The following PKHD1 variants were observed in gnomAD, a reference collection of about 807,000 sequenced individuals.
The protein encoded by PKHD1 is PKHD1 ciliary IPT domain containing fibrocystin/polyductin.
A neutral mutation model predicts 412.0 loss-of-function variants in PKHD1; 291 were observed. The ratio of observed to expected loss-of-function variants is 0.71; its 90% CI spans 0.64 to 0.78. The LOEUF (loss-of-function observed/expected upper bound fraction) is 0.78. Ranked by LOEUF, PKHD1 falls within the 30% of genes least tolerant of loss-of-function variation. PKHD1 has a pLI of 0.00. For missense variants in PKHD1, 4,825 were observed against 4,950.7 expected (o/e 0.97, Z 0.76); for synonymous variants, 1,777 against 1,821.5 (o/e 0.98, Z 0.62).
intron 53 of PKHD1, among the ~76,000 whole-genome samples, chr6:51,776,558 G>A (rs1791059840): frequency 6.6e-6 from 1 of 151,866 alleles, no homozygotes; most frequent in South Asian, 2.1e-4. Context: ...CTCTTTATAT[G>A]CATTTTAGCA....
chr6:51,666,482 T>C (rs553348844), intron 60 of PKHD1, among the ~76,000 whole-genome samples: 6 of 152,302 alleles, frequency 3.9e-5, no homozygotes, highest in African/African-American at 1.4e-4. Context: ...ATTTCATTGG[T>C]AGTTTAGAAG....
At chr6:51,721,861 A>G (rs1781964457) in intron 60 of PKHD1, 2 of 1,553,216 alleles carry the variant, frequency 1.3e-6, no homozygotes, top group South Asian at 1.2e-5. Context: ...TTTCTTCTCA[A>G]TTTGAACAAT....
At chr6:51,807,581 C>T (rs1221613926) in intron 52 of PKHD1, among the ~76,000 whole-genome samples, 1 of 149,048 alleles carries the variant, frequency 6.7e-6, no homozygotes, top group Non-Finnish European at 1.5e-5. Flanking sequence ...TACCTTAACA[C>T]CATCTGAACA....
At chr6:51,938,487 C>A (rs907860762) in intron 36 of PKHD1, among the ~76,000 whole-genome samples, 1 of 123,612 alleles carries the variant, frequency 8.1e-6, no homozygotes, top group African/African-American at 3.3e-5. Flanking sequence ...CCACTGAGCA[C>A]GCTGTGACCC....
chr6:51,635,545 T>A (rs1234707094), intron 64 of PKHD1, among the ~76,000 whole-genome samples: 2 of 152,152 alleles, frequency 1.3e-5, no homozygotes, highest in Non-Finnish European at 2.9e-5. Flanking sequence ...CCTTTGGAAC[T>A]TTGGTCTCAA....
chr6:51,892,480 G>C (rs957458306), intron 43 of PKHD1, among the ~76,000 whole-genome samples: 8 of 152,326 alleles, frequency 5.3e-5, no homozygotes, highest in South Asian at 4.2e-4. Context: ...TCAGTGCATA[G>C]ATACCAGGGA....
Position 51,659,736 on chromosome 6 carries a change from G to T in PKHD1, c.10390C>A (p.Pro3464Thr). The change falls in exon 61 of 67, where the codon CCC becomes ACC. Residue 3464 changes from proline (P) to threonine (T), a missense_variant. By Grantham distance (38) the Pro-to-Thr change is conservative (BLOSUM62 -1). Transcript: ENST00000371117. ...GSVSTFYSILPIRQITKVCFM... is the reference protein window; with the variant it reads ...GSVSTFYSILTIRQITKVCFM... ...CAGACTTTGGTGATTTGCCTGATGGGTAAGATAGAATAGAAAGTAGACACT... is the reference window on the plus strand; with the variant it reads ...CAGACTTTGGTGATTTGCCTGATGGTTAAGATAGAATAGAAAGTAGACACT... 6.2e-7 allele frequency: 1 copy of T among 1,613,794 alleles called. No individual in the cohort carries two copies. The highest frequency in any genetic ancestry group is 1.1e-5 in the South Asian group (1 of 91,082).
intron 55 of PKHD1, among the ~76,000 whole-genome samples, chr6:51,763,581 A>G (rs1436074001): frequency 6.6e-6 from 1 of 152,154 alleles, no homozygotes; most frequent in Non-Finnish European, 1.5e-5. Context: ...AGCACTTTAA[A>G]TTCAACATGA....
At chr6:52,035,195 T>C (rs570271883) in intron 28 of PKHD1, among the ~76,000 whole-genome samples, 8 of 152,226 alleles carry the variant, frequency 5.3e-5, no homozygotes, top group Non-Finnish European at 1.2e-4. Context: ...TTAATACCCA[T>C]ACTAGAAAAC....
At chr6:52,078,733 C>T (rs1811649517) in intron 5 of PKHD1, among the ~76,000 whole-genome samples, 2 of 152,168 alleles carry the variant, frequency 1.3e-5, no homozygotes, top group Admixed American at 6.5e-5. Context: ...AGGAAAACTA[C>T]CATCTGGGGT....
chr6:51,895,047 T>TACAC (rs1389325341), intron 43 of PKHD1, among the ~76,000 whole-genome samples: 1 of 152,246 alleles, frequency 6.6e-6, no homozygotes. Flanking sequence ...TGCACATACA[T>TACAC]ACACACACAC....
chr6:51,741,215 T>C, intron 60 of PKHD1: 2 of 518,662 alleles, frequency 3.9e-6, no homozygotes, highest in South Asian at 2.8e-5. Flanking sequence ...ACTCTTATGA[T>C]TAAACATGGA....
chr6:51,922,812 G>A (rs920625454), intron 37 of PKHD1, among the ~76,000 whole-genome samples: 8 of 152,200 alleles, frequency 5.3e-5, no homozygotes, highest in African/African-American at 1.9e-4. Flanking sequence ...CAGCACTAGG[G>A]TGGGAGTGTC....
intron 15 of PKHD1, among the ~76,000 whole-genome samples, chr6:52,058,820 G>A (rs930323510): frequency 1.2e-4 from 18 of 146,494 alleles, no homozygotes; most frequent in African/African-American, 3.8e-4. Context: ...TCTTACAATT[G>A]AGTAGTACTC....
intron 43 of PKHD1, among the ~76,000 whole-genome samples, chr6:51,889,204 A>G (rs1215240962): frequency 6.6e-6 from 1 of 152,142 alleles, no homozygotes; most frequent in African/African-American, 2.4e-5. Flanking sequence ...AATCCCGGGA[A>G]CACAAACTAT....
intron 61 of PKHD1, among the ~76,000 whole-genome samples, chr6:51,654,511 G>A (rs1034365924): frequency 6.6e-6 from 1 of 152,002 alleles, no homozygotes; most frequent in Admixed American, 6.6e-5. Flanking sequence ...AGTTCACTAT[G>A]TGTACAAATA....
At chr6:51,682,831 C>T (rs1218539704) in intron 60 of PKHD1, among the ~76,000 whole-genome samples, 1 of 151,974 alleles carries the variant, frequency 6.6e-6, no homozygotes, top group Admixed American at 6.6e-5. Context: ...CTTCCTAATC[C>T]TGCTGACTTT....
intron 60 of PKHD1, among the ~76,000 whole-genome samples, chr6:51,669,176 T>C (rs1774432925): frequency 6.6e-6 from 1 of 152,138 alleles, no homozygotes; most frequent in African/African-American, 2.4e-5. Flanking sequence ...CATCTGGTCC[T>C]GGACTCTTTT....
intron 60 of PKHD1, among the ~76,000 whole-genome samples, chr6:51,729,185 C>T (rs1025091147): frequency 6.6e-6 from 1 of 152,216 alleles, no homozygotes; most frequent in African/African-American, 2.4e-5. Context: ...CAAGAACTTA[C>T]ATTCAGTTTT....
Sources: allele counts gnomAD v4.1 joint callset (sites outside exome capture counted in the v4.1 genomes callset), GRCh38; gene constraint gnomAD v4.1.1; transcripts MANE v1.5; gene names NCBI Gene and HGNC (gene_info 2026-07-23, HGNC 2026-07-21).